Variants in KCNN3 observed in about 807,000 individuals in gnomAD.
KCNN3 encodes potassium calcium-activated channel subfamily N member 3, also known as small conductance calcium-activated potassium channel protein 3.
Under a neutral mutation model 62.9 loss-of-function variants are expected in KCNN3, and 16 were observed. That is an observed-to-expected ratio of 0.25 (90% CI 0.17 to 0.39). The LOEUF is 0.39. Ranked by LOEUF, KCNN3 falls within the 10% of genes least tolerant of loss-of-function variation. The pLI is 1.00. For synonymous variants in KCNN3, 370 were observed against 389.2 expected, an observed-to-expected ratio of 0.95 and a Z score of 0.58; for missense variants, 599 against 949.4, an observed-to-expected ratio of 0.63 and a Z score of 4.85.
chr1:154,836,632 C>T (rs1651601365), intron 1 of KCNN3, among the ~76,000 whole-genome samples: 1 of 152,230 alleles, frequency 6.6e-6, no homozygotes, highest in Non-Finnish European at 1.5e-5. Context: ...TCTTCCATCC[C>T]TCTTTCTTAC....
intron 3 of KCNN3, among the ~76,000 whole-genome samples, chr1:154,757,295 G>A (rs1647769788): frequency 6.6e-6 from 1 of 152,206 alleles, no homozygotes; most frequent in South Asian, 2.1e-4. Flanking sequence ...CAACTCCCTT[G>A]CTAAAGCTGG....
At chr1:154,810,356 C>A (rs367978027) in intron 2 of KCNN3, among the ~76,000 whole-genome samples, 1 of 152,048 alleles carries the variant, frequency 6.6e-6, no homozygotes, top group Non-Finnish European at 1.5e-5. Flanking sequence ...TGACTCCAGG[C>A]GAGCAGAAGT....
intron 6 of KCNN3, 101 bp from the exon 7 acceptor site, chr1:154,713,634 C>G: frequency 2.1e-6 from 2 of 935,748 alleles, no homozygotes; most frequent in South Asian, 2.6e-5. Flanking sequence ...GATTTTGGAA[C>G]CCAGCATGGG....
chr1:154,715,811 A>C (rs1337173047), intron 5 of KCNN3, among the ~76,000 whole-genome samples: 1 of 150,312 alleles, frequency 6.7e-6, no homozygotes, highest in African/African-American at 2.4e-5. Context: ...TATACGGTAC[A>C]TTGCTTGGGT....
chr1:154,777,582 A>G (rs1328941286), intron 2 of KCNN3, among the ~76,000 whole-genome samples: 3 of 152,190 alleles, frequency 2.0e-5, no homozygotes, highest in Non-Finnish European at 4.4e-5. Flanking sequence ...GGTGACCTCC[A>G]AGCCTTAGAA....
At chr1:154,715,841 C>G (rs916578368) in intron 5 of KCNN3, among the ~76,000 whole-genome samples, 2 of 152,250 alleles carry the variant, frequency 1.3e-5, no homozygotes, top group Non-Finnish European at 2.9e-5. Context: ...AAACAGATTT[C>G]CTATCAGCTG....
chr1:154,798,526 G>A (rs1452866582), intron 2 of KCNN3, among the ~76,000 whole-genome samples: 4 of 152,200 alleles, frequency 2.6e-5, no homozygotes, highest in African/African-American at 7.2e-5. Flanking sequence ...ATTCCCAAGT[G>A]TAATTTATGG....
intron 2 of KCNN3, among the ~76,000 whole-genome samples, chr1:154,815,774 T>C (rs1650637852): frequency 6.6e-6 from 1 of 152,226 alleles, no homozygotes; most frequent in Non-Finnish European, 1.5e-5. Context: ...ATTCAGGATG[T>C]GACTTGAGCC....
chr1:154,808,097 C>T (rs1326253829), intron 2 of KCNN3, among the ~76,000 whole-genome samples: 1 of 152,170 alleles, frequency 6.6e-6, no homozygotes, highest in African/African-American at 2.4e-5. Context: ...ACATAAAATG[C>T]TTTGCAGGTG....
intron 3 of KCNN3, among the ~76,000 whole-genome samples, chr1:154,734,459 C>T (rs933780530): frequency 1.1e-4 from 17 of 152,180 alleles, no homozygotes; most frequent in African/African-American, 2.4e-4. Context: ...CACAACGTGC[C>T]GGGACAGGCC....
chr1:154,813,520 C>G (rs1416013756), intron 2 of KCNN3, among the ~76,000 whole-genome samples: 1 of 152,178 alleles, frequency 6.6e-6, no homozygotes, highest in Non-Finnish European at 1.5e-5. Context: ...CGAAACCAGT[C>G]TCCCCTCTGT....
chr1:154,744,513 C>T (rs187306258), intron 3 of KCNN3, among the ~76,000 whole-genome samples: 29 of 152,356 alleles, frequency 1.9e-4, no homozygotes, highest in Admixed American at 9.1e-4. Context: ...GCAAAATACC[C>T]GCTCAGCCAC....
intron 5 of KCNN3, among the ~76,000 whole-genome samples, chr1:154,721,386 G>A (rs1248921309): frequency 1.4e-5 from 2 of 146,102 alleles, no homozygotes; most frequent in Admixed American, 7.1e-5. Flanking sequence ...TGTAACCTCC[G>A]CCTCCTGGGT....
At position 154,869,326 on chromosome 1, in the gene KCNN3, A is replaced by G; in HGVS notation, c.639T>C (p.Pro213=). The G allele has an allele frequency of 3.1e-6, 5 of 1,613,574 alleles. No homozygotes were observed. The South Asian group carries it at 4.4e-5, about 14-fold the overall frequency. The part of the protein sequence containing the change: ...TEGQPLQLFS[P]SNPPEIVISS... ...AGATGACGATCTCCGGGGGGTTGCT[A>G]GGGCTGAAAAGCTGGAGGGGTTGGC... The change falls in exon 1 of 8, where the codon CCT becomes CCC. Residue 213 remains proline, a synonymous_variant. Coordinates refer to ENST00000271915, the MANE Select transcript of KCNN3 (RefSeq NM_002249.6). The surrounding 1 kb of genome is among the most constrained non-coding windows in gnomAD (Gnocchi z 6.1).
At chr1:154,745,800 T>A (rs1189083865) in intron 3 of KCNN3, among the ~76,000 whole-genome samples, 1 of 152,250 alleles carries the variant, frequency 6.6e-6, no homozygotes, top group East Asian at 1.9e-4. Flanking sequence ...CCATGTTTCC[T>A]GATTTGGAAA....
At chr1:154,726,814 A>G (rs1700477347) in intron 4 of KCNN3, among the ~76,000 whole-genome samples, 1 of 152,190 alleles carries the variant, frequency 6.6e-6, no homozygotes, top group African/African-American at 2.4e-5. Flanking sequence ...ATTTTCTGGA[A>G]CAGCGATCCT....
intron 3 of KCNN3, among the ~76,000 whole-genome samples, chr1:154,743,742 T>A (rs1245577891): frequency 6.6e-6 from 1 of 152,214 alleles, no homozygotes. Context: ...TACAGGGCAC[T>A]GTGCTGCCGG....
rs1315036617 is a variant in KCNN3 at position 154,702,712 on chromosome 1, T to G, written c.*5264A>C. On this transcript the variant is annotated 3_prime_UTR_variant, in exon 8 of 8. Coordinates refer to ENST00000271915, the MANE Select transcript of KCNN3 (RefSeq NM_002249.6). ...TCGATCTGATTCAGATATATATATA[T>G]ATATATATATATATATATATATATA... 1.1e-5 allele frequency: 1 copy of G among 94,750 alleles called. No individual in the cohort carries two copies. The highest frequency in any genetic ancestry group is 2.0e-5 in the Non-Finnish European group (1 of 49,198). 5.9% of individuals were successfully genotyped at this position (94,750 alleles called of 1,614,324 possible).
At chr1:154,733,500 T>C (rs1382705913) in intron 3 of KCNN3, among the ~76,000 whole-genome samples, 2 of 152,232 alleles carry the variant, frequency 1.3e-5, no homozygotes, top group African/African-American at 4.8e-5. Flanking sequence ...ACAGTCTAAA[T>C]GTATGTGGAT....
Sources: gnomAD v4.1 joint callset for allele counts (sites outside exome capture counted in the v4.1 genomes callset) on GRCh38, gnomAD v4.1.1 for gene constraint, Gnocchi (gnomAD v3.1) non-coding constraint, MANE v1.5 for transcripts, NCBI Gene and HGNC (gene_info 2026-07-23, HGNC 2026-07-21) for gene names.